ADAMTS15: variants seen among roughly 807,000 people sequenced by gnomAD.
The protein encoded by ADAMTS15 is A disintegrin and metalloproteinase with thrombospondin motifs 15.
In ADAMTS15, 35 loss-of-function variants were observed where a neutral mutation model predicts 79.1. The ratio of observed to expected loss-of-function variants is 0.44; its 90% CI spans 0.34 to 0.59. ADAMTS15 has a LOEUF of 0.59. Ranked by LOEUF, ADAMTS15 falls within the 20% of genes least tolerant of loss-of-function variation. The pLI, the probability that ADAMTS15 is intolerant of heterozygous loss-of-function variation, is 0.02. For missense variants in ADAMTS15, 1,324 were observed against 1,318.7 expected (o/e 1.00, Z -0.06); for synonymous variants, 616 against 567.3 (o/e 1.09, Z -1.22).
At chr11:130,450,230 C>A (rs1937935888) in intron 1 of ADAMTS15, 1 of 985,470 alleles carries the variant, frequency 1.0e-6, no homozygotes, top group Non-Finnish European at 1.2e-6. Context: ...AGGAAGTTGC[C>A]GCCCCGGAGC....
Position 130,471,229 on chromosome 11 carries a change from T to A in ADAMTS15, c.1924T>A (p.Ser642Thr). The change falls in exon 7 of 8, where the codon TCT (serine) becomes ACT (threonine). Residue 642 changes from serine (S) to threonine (T), a missense_variant. Transcript: ENST00000299164. The part of the protein sequence containing the change: ...APKVVDGTLC[S>T]PDSTSVCVQG... The stretch of plus-strand genomic sequence containing the variant: ...GCAGGTGGTGGACGGCACGCTGTGC[T>A]CTCCTGACTCCACCTCCGTCTGTGT... 6.2e-7 allele frequency: 1 copy of A among 1,605,036 alleles called. No homozygotes were observed. Among genetic ancestry groups the A allele is most frequent in the Non-Finnish European group, 8.5e-7 (1 of 1,176,208 alleles).
At chr11:130,465,447 C>A (rs995590755) in intron 4 of ADAMTS15, among the ~76,000 whole-genome samples, 6 of 152,202 alleles carry the variant, frequency 3.9e-5, no homozygotes, top group African/African-American at 1.4e-4. Flanking sequence ...GAATACAAAC[C>A]TGTTGTAATT....
At chr11:130,454,395 T>A (rs1938032784) in intron 1 of ADAMTS15, among the ~76,000 whole-genome samples, 1 of 152,224 alleles carries the variant, frequency 6.6e-6, no homozygotes, top group Admixed American at 6.5e-5. Context: ...GGAACAGCAT[T>A]CTAGAACCTA....
intron 4 of ADAMTS15, among the ~76,000 whole-genome samples, chr11:130,464,978 A>G (rs975316019): frequency 3.3e-5 from 5 of 151,982 alleles, no homozygotes; most frequent in African/African-American, 1.2e-4. Flanking sequence ...AGGAAAAAAA[A>G]AAAAAAGAAA....
In ADAMTS15 at chr11:130,472,997, C is replaced by T. The variant is rs768946664; in HGVS notation, c.2079-50C>T. ...GAAAACAGATCCTGGAGCATAAGGT[C>T]CTCAGGTCCAGGCTTCTATCTGATG... On this transcript the variant is annotated intron_variant, in intron 7 of 7. Transcript: ENST00000299164. The surrounding 1 kb of genome is among the most constrained non-coding windows in gnomAD (Gnocchi z 4.7). 7 of 1,593,466 alleles carry T rather than the reference C, an allele frequency of 4.4e-6. No homozygotes were observed. The highest frequency in any genetic ancestry group is 6.0e-6 in the Non-Finnish European group (7 of 1,168,952).
intron 1 of ADAMTS15, among the ~76,000 whole-genome samples, chr11:130,457,006 G>A (rs1032489531): frequency 1.3e-5 from 2 of 152,156 alleles, no homozygotes; most frequent in Non-Finnish European, 2.9e-5. Context: ...GCTGGGGTGG[G>A]TGGATCACTT....
chr11:130,457,272 C>T (rs1363963614), intron 1 of ADAMTS15, among the ~76,000 whole-genome samples: 1 of 151,634 alleles, frequency 6.6e-6, no homozygotes, highest in African/African-American at 2.4e-5. Context: ...TTTTGTGCAT[C>T]CCTCTGTCTT....
chr11:130,460,101 G>A (rs1938168860), intron 1 of ADAMTS15, among the ~76,000 whole-genome samples: 1 of 152,190 alleles, frequency 6.6e-6, no homozygotes, highest in Non-Finnish European at 1.5e-5. Flanking sequence ...ATAGGCATGA[G>A]CCTAGTTCCC....
rs143168028 is a variant in ADAMTS15 at position 130,473,620 on chromosome 11, C to T, written c.2652C>T (p.Pro884=). The change falls in exon 8 of 8, where the codon CCC becomes CCT. Residue 884 remains proline, a synonymous_variant. Transcript: ENST00000299164. ...TVPACDAAHR[P]VETQACGEPC... ...CTGCCTGTGATGCAGCCCATCGGCCCGTGGAGACACAAGCCTGCGGGGAGC... is the reference window on the plus strand; with the variant it reads ...CTGCCTGTGATGCAGCCCATCGGCCTGTGGAGACACAAGCCTGCGGGGAGC... 2.1e-5 allele frequency: 33 copies of T among 1,609,552 alleles called. 1 individual carries two copies. The highest frequency in any genetic ancestry group is 8.8e-5 in the South Asian group (8 of 91,038).
At position 130,462,067 on chromosome 11, in the gene ADAMTS15, C is replaced by T. The variant is rs756335744; in HGVS notation, c.1091-20C>T. The T allele has an allele frequency of 1.6e-5, 26 of 1,605,532 alleles. No individual in the cohort carries two copies. Among genetic ancestry groups the T allele is most frequent in the Non-Finnish European group, 2.1e-5 (25 of 1,174,370 alleles). On this transcript the variant is annotated intron_variant, in intron 2 of 7. Coordinates refer to ENST00000299164, the MANE Select transcript of ADAMTS15 (RefSeq NM_139055.4). The surrounding 1 kb of genome is among the most constrained non-coding windows in gnomAD (Gnocchi z 4.3). ...ATGTCCTTCCTCCTGCCCTCTCAGTCCTCTTGCCTTACCCCACAGGCCACG... is the reference window on the plus strand; with the variant it reads ...ATGTCCTTCCTCCTGCCCTCTCAGTTCTCTTGCCTTACCCCACAGGCCACG...
At chr11:130,461,936 C>T in intron 2 of ADAMTS15, 151 bp from the exon 3 acceptor site, 2 of 955,266 alleles carry the variant, frequency 2.1e-6, no homozygotes, top group Non-Finnish European at 3.1e-6. Context: ...AGAACATGAT[C>T]TTGAGGACAT....
In ADAMTS15 at chr11:130,471,380, C is replaced by G. The variant is rs749462367; in HGVS notation, c.2075C>G (p.Pro692Arg). 10 of 1,607,108 alleles carry G rather than the reference C, an allele frequency of 6.2e-6. No homozygotes were observed. The East Asian group carries it at 2.2e-4, about 36-fold the overall frequency. ...AAGGTGACTGGACTCTTCACCAAGC[C>G]CATGTGAGTTCTGGGCCCTGAAGGT... is the stretch of plus-strand genomic sequence containing the variant. ...CKKVTGLFTK[P>R]MHGYNFVVAI... The change falls in exon 7 of 8, where the codon CCC becomes CGC. Residue 692 changes from proline (P) to arginine (R), a missense_variant. Pro to Arg is a moderately radical substitution (Grantham distance 103). Coordinates refer to ENST00000299164, the MANE Select transcript of ADAMTS15 (RefSeq NM_139055.4).
At chr11:130,454,545 A>G (rs1388230793) in intron 1 of ADAMTS15, among the ~76,000 whole-genome samples, 1 of 152,250 alleles carries the variant, frequency 6.6e-6, no homozygotes, top group Non-Finnish European at 1.5e-5. Flanking sequence ...GAAAAAGATC[A>G]TGATTTCATT....
chr11:130,473,652 C>G lies in ADAMTS15; in HGVS notation c.2684C>G (p.Pro895Arg). The G allele has an allele frequency of 6.2e-7, 1 of 1,607,130 alleles. No individual in the cohort carries two copies. ...VETQACGEPC[P>R]TWELSAWSPC... is the part of the protein sequence containing the mutation. ...ACACAAGCCTGCGGGGAGCCCTGCC[C>G]CACCTGGGAGCTCAGCGCCTGGTCA... is the stretch of plus-strand genomic sequence containing the variant. Residue 895 changes from proline to arginine, a missense_variant, in exon 8 of 8, where the codon CCC becomes CGC. Transcript: ENST00000299164.
chr11:130,469,350 C>G lies in ADAMTS15; in HGVS notation c.1631C>G (p.Thr544Ser). Residue 544 changes from threonine to serine, a missense_variant, in exon 5 of 8, where the codon ACC (threonine) becomes AGC (serine). Coordinates refer to ENST00000299164, the MANE Select transcript of ADAMTS15 (RefSeq NM_139055.4). ...GTGCAGCTGGCCAGGAGGCAGTGCACCAACCCCACCCCTGCCAACGGGGGC... is the reference window on the plus strand; with the variant it reads ...GTGCAGCTGGCCAGGAGGCAGTGCAGCAACCCCACCCCTGCCAACGGGGGC... ...GGVQLARRQC[T>S]NPTPANGGKY... 7.3e-7 allele frequency: 1 copy of G among 1,360,696 alleles called. No homozygotes were observed. Among genetic ancestry groups the G allele is most frequent in the Non-Finnish European group, 9.5e-7 (1 of 1,048,198 alleles). The allele number at this position is 1,360,696 out of a possible 1,614,324, so 84.3% of individuals were successfully genotyped here.
chr11:130,463,872 G>A (rs1183300895), intron 4 of ADAMTS15, among the ~76,000 whole-genome samples: 2 of 152,154 alleles, frequency 1.3e-5, no homozygotes, highest in African/African-American at 2.4e-5. Context: ...CATGTTATGC[G>A]GAAGGACAGA....
At chr11:130,468,939 C>CAA (rs911391031) in intron 4 of ADAMTS15, among the ~76,000 whole-genome samples, 25 of 27,840 alleles carry the variant, frequency 9.0e-4, no homozygotes, top group Non-Finnish European at 1.5e-3. Flanking sequence ...TCCACCTCAA[C>CAA]AAAAAAAAAA....
intron 7 of ADAMTS15, 51 bp downstream of exon 7, chr11:130,471,434 G>A (rs1233085355): frequency 1.3e-6 from 2 of 1,575,778 alleles, no homozygotes; most frequent in Admixed American, 2.1e-5. Context: ...GAGGGAGGTG[G>A]AGTTTCCCAG....
In ADAMTS15 at chr11:130,470,136, A is replaced by ACG. The variant is rs1565397517; in HGVS notation, c.1720+697_1720+698insCG. On this transcript the variant is annotated intron_variant, in intron 5 of 7. Coordinates refer to ENST00000299164, the MANE Select transcript of ADAMTS15 (RefSeq NM_139055.4). ...TACTGAATCATATATATATATACAT[A>ACG]TATATATATATATATGTGTATATAT... is the stretch of plus-strand genomic sequence containing the variant. Among the ~76,000 whole-genome samples, 58 of 63,992 alleles carry ACG rather than the reference A, an allele frequency of 9.1e-4. 2 individuals are homozygous for ACG. The highest frequency in any genetic ancestry group is 4.3e-3 in the African/African-American group (56 of 13,148). 42.0% of individuals were successfully genotyped at this position (63,992 alleles called of 152,430 possible).
Sources: gnomAD v4.1 joint callset for allele counts (sites outside exome capture counted in the v4.1 genomes callset) on GRCh38, gnomAD v4.1.1 for gene constraint, Gnocchi (gnomAD v3.1) non-coding constraint, MANE v1.5 for transcripts, NCBI Gene and HGNC (gene_info 2026-07-23, HGNC 2026-07-21) for gene names.